Variants in TLK1 observed in about 807,000 individuals in gnomAD.
The protein encoded by TLK1 is serine/threonine-protein kinase tousled-like 1.
A neutral mutation model predicts 105.3 loss-of-function variants in TLK1; 24 were observed. The ratio of observed to expected loss-of-function variants is 0.23; its 90% CI spans 0.17 to 0.32. The LOEUF is 0.32. Among genes scored for constraint, TLK1 ranks in the 10% least tolerant of loss-of-function variants. The pLI, the probability that TLK1 is intolerant of heterozygous loss-of-function variation, is 1.00. For missense variants in TLK1, 558 were observed against 910.5 expected, an observed-to-expected ratio of 0.61 and a Z score of 4.98; for synonymous variants, 321 against 310.4, an observed-to-expected ratio of 1.03 and a Z score of -0.36.
At chr2:171,061,582 AG>A (rs994115974) in intron 3 of TLK1, among the ~76,000 whole-genome samples, 1 of 152,202 alleles carries the variant, frequency 6.6e-6, no homozygotes, top group African/African-American at 2.4e-5. Flanking sequence ...ATGAGAAAAA[AG>A]GGGCAGAACA....
chr2:171,210,351 A>G (rs1200459592), intron 1 of TLK1, among the ~76,000 whole-genome samples: 2 of 151,696 alleles, frequency 1.3e-5, no homozygotes, highest in African/African-American at 4.8e-5. Flanking sequence ...GAGAGAATGA[A>G]CTCCTGGGCT....
intron 11 of TLK1, among the ~76,000 whole-genome samples, chr2:171,029,928 T>A (rs144989238): frequency 6.6e-6 from 1 of 152,308 alleles, no homozygotes; most frequent in South Asian, 2.1e-4. Context: ...GCATTTTTAG[T>A]AGAGACGGAG....
At chr2:171,028,963 A>G (rs1685909557) in intron 11 of TLK1, among the ~76,000 whole-genome samples, 1 of 152,238 alleles carries the variant, frequency 6.6e-6, no homozygotes, top group Non-Finnish European at 1.5e-5. Flanking sequence ...CATCTAAATA[A>G]CAAAAAGACA....
chr2:171,158,514 C>A (rs1184810218), intron 1 of TLK1, among the ~76,000 whole-genome samples: 1 of 152,172 alleles, frequency 6.6e-6, no homozygotes, highest in Non-Finnish European at 1.5e-5. Context: ...TAACAGATAT[C>A]AAGAGATAAT....
At chr2:171,118,676 ATTCTC>A (rs772666521) in intron 1 of TLK1, among the ~76,000 whole-genome samples, 219 of 152,306 alleles carry the variant, frequency 1.4e-3, no homozygotes, top group African/African-American at 2.0e-3. Flanking sequence ...ATGTCTGCTA[ATTCTC>A]TTCTAACAAA....
intron 1 of TLK1, among the ~76,000 whole-genome samples, chr2:171,176,814 C>T (rs1692837519): frequency 6.6e-6 from 1 of 152,056 alleles, no homozygotes; most frequent in African/African-American, 2.4e-5. Flanking sequence ...CTCTCTGCTT[C>T]ACCTCATCGG....
Position 171,015,690 on chromosome 2 carries a change from CACACACACATAT to C in TLK1, c.1237-754_1237-743del, listed in dbSNP as rs1392934165. Among the ~76,000 whole-genome samples the C allele has an allele frequency of 9.3e-3, 31 of 3,316 alleles. No homozygotes were observed. In the South Asian group the frequency reaches 0.32, roughly 34 times the overall value. 2.2% of individuals were successfully genotyped at this position (3,316 alleles called of 152,430 possible). A position where few individuals can be genotyped will look rare whatever the true frequency, so the allele number is the denominator to read the frequency against. ...ATGTCATTCATGTCATTCATTCATA[CACACACACATAT>C]ACACACACACACACACACACACACA... On this transcript the variant is annotated intron_variant, in intron 12 of 20. Coordinates refer to ENST00000431350, the MANE Select transcript of TLK1 (RefSeq NM_012290.5).
chr2:171,214,036 A>G (rs558942433), intron 1 of TLK1, among the ~76,000 whole-genome samples: 263 of 150,778 alleles, frequency 1.7e-3, no homozygotes, highest in African/African-American at 6.0e-3. Flanking sequence ...GTTTTAGAAA[A>G]TTTTTAATGA....
intron 3 of TLK1, among the ~76,000 whole-genome samples, chr2:171,064,042 TG>T (rs1453516206): frequency 6.6e-6 from 1 of 152,182 alleles, no homozygotes; most frequent in Non-Finnish European, 1.5e-5. Flanking sequence ...TGTGGAGGTA[TG>T]GGACAGTCCA....
intron 1 of TLK1, among the ~76,000 whole-genome samples, chr2:171,142,660 AT>A (rs1372961039): frequency 6.6e-6 from 1 of 152,268 alleles, no homozygotes; most frequent in African/African-American, 2.4e-5. Context: ...GACAAATGTT[AT>A]AATCATTTGG....
At chr2:171,018,123 T>C (rs1685295527) in intron 12 of TLK1, among the ~76,000 whole-genome samples, 1 of 152,172 alleles carries the variant, frequency 6.6e-6, no homozygotes, top group Admixed American at 6.5e-5. Flanking sequence ...TAGGGTTGGA[T>C]TAGGTTATGG....
intron 12 of TLK1, among the ~76,000 whole-genome samples, chr2:171,021,964 A>G (rs1285361341): frequency 6.6e-6 from 1 of 151,934 alleles, no homozygotes; most frequent in African/African-American, 2.4e-5. Flanking sequence ...TTAGCCAGGC[A>G]TGGTGGCACA....
intron 12 of TLK1, among the ~76,000 whole-genome samples, chr2:171,019,779 C>T (rs1685397873): frequency 1.3e-5 from 2 of 152,180 alleles, no homozygotes; most frequent in Admixed American, 6.5e-5. Context: ...TAACACCAGC[C>T]AGGTGAGGTG....
chr2:171,117,983 C>A (rs536495501), intron 1 of TLK1, 126 bp from the exon 2 acceptor site: 2 of 536,820 alleles, frequency 3.7e-6, no homozygotes, highest in Non-Finnish European at 6.0e-6. Flanking sequence ...TACAAGCAGA[C>A]GAAATTGAGA....
Position 171,116,697 on chromosome 2 carries a change from C to CA in TLK1, c.258+1041dup, listed in dbSNP as rs71008750. On this transcript the variant is annotated intron_variant, in intron 2 of 20. Coordinates refer to ENST00000431350, the MANE Select transcript of TLK1 (RefSeq NM_012290.5). ...CCTGGGCGACAAAGTGAGACTCCCT[C>CA]AAAAAAAAAAAAAAAAGAAGAAATG... Among the ~76,000 whole-genome samples, 1,209 of 121,422 alleles carry CA rather than the reference C, an allele frequency of 1.0e-2. 6 individuals are homozygous for CA. Among genetic ancestry groups the CA allele is most frequent in the Middle Eastern group, 0.012 (3 of 242 alleles). The allele number at this position is 121,422 out of a possible 152,430, so 79.7% of individuals were successfully genotyped here. A position where few individuals can be genotyped will look rare whatever the true frequency, so the allele number is the denominator to read the frequency against.
chr2:170,991,153 T>A lies in TLK1; in HGVS notation c.*2627A>T, dbSNP rs771763161. ...TTCAAATCAAAGAAAGATTTTAAAA[T>A]CATATGCAAAAACTGTTGATTTTAC... On this transcript the variant is annotated 3_prime_UTR_variant, in exon 21 of 21. Coordinates refer to ENST00000431350, the MANE Select transcript of TLK1 (RefSeq NM_012290.5). 1 of 152,164 alleles carries A rather than the reference T, an allele frequency of 6.6e-6. No individual in the cohort carries two copies. Among genetic ancestry groups the A allele is most frequent in the Admixed American group, 6.5e-5 (1 of 15,282 alleles). 9.4% of individuals were successfully genotyped at this position (152,164 alleles called of 1,614,324 possible).
At chr2:171,203,912 C>T (rs1232075849) in intron 1 of TLK1, among the ~76,000 whole-genome samples, 12 of 152,090 alleles carry the variant, frequency 7.9e-5, no homozygotes, top group East Asian at 5.8e-4. Context: ...ATTTGCCGGG[C>T]GTGGTGGCGC....
chr2:171,223,122 T>C (rs1452393935), intron 1 of TLK1, among the ~76,000 whole-genome samples: 2 of 152,296 alleles, frequency 1.3e-5, no homozygotes, highest in African/African-American at 4.8e-5. Flanking sequence ...GCCTAAGATA[T>C]GTCTTTGATA....
chr2:171,151,373 G>T lies in TLK1; in HGVS notation c.139+8917C>A, dbSNP rs1474309412. 4.0e-5 allele frequency among the ~76,000 whole-genome samples: 6 copies of T among 151,736 alleles called. No individual in the cohort carries two copies. The East Asian group carries it at 1.2e-3, about 29-fold the overall frequency. ...CTCAATTTCCTCATCTATAAAGTCG[G>T]GATAATAACAGGACTTCATGTGATT... On this transcript the variant is annotated intron_variant, in intron 1 of 20. Coordinates refer to ENST00000431350, the MANE Select transcript of TLK1 (RefSeq NM_012290.5).
Sources: gnomAD v4.1 joint callset for allele counts (sites outside exome capture counted in the v4.1 genomes callset) on GRCh38, gnomAD v4.1.1 for gene constraint, MANE v1.5 for transcripts, NCBI Gene and HGNC (gene_info 2026-07-23, HGNC 2026-07-21) for gene names.